Variants in LHFPL3 observed in about 807,000 individuals in gnomAD.
LHFPL3 encodes the protein LHFPL tetraspan subfamily member 3 protein.
A neutral mutation model predicts 19.3 loss-of-function variants in LHFPL3; 5 were observed. The observed-to-expected ratio is 0.26, with a 90% CI of 0.14 to 0.54. The LOEUF (loss-of-function observed/expected upper bound fraction) is 0.54. Among genes scored for constraint, LHFPL3 ranks in the 20% least tolerant of loss-of-function variants. LHFPL3 has a pLI of 0.94. For missense variants in LHFPL3, 249 were observed against 307.4 expected (o/e 0.81, Z 1.42); for synonymous variants, 133 against 126.2 (o/e 1.05, Z -0.36).
intron 2 of LHFPL3, among the ~76,000 whole-genome samples, chr7:104,824,373 T>C (rs1562804599): frequency 1.4e-4 from 2 of 13,918 alleles, no homozygotes; most frequent in African/African-American, 6.0e-4. Flanking sequence ...ATATATATTT[T>C]ATATATAATA....
In LHFPL3 at chr7:104,399,884, T is replaced by C. The variant is rs73403852; in HGVS notation, c.445+70660T>C. Among the ~76,000 whole-genome samples the C allele has an allele frequency of 0.032, 4,852 of 150,504 alleles. 272 individuals are homozygous for C. The highest frequency in any genetic ancestry group is 0.11 in the African/African-American group (4,595 of 41,138). ...AGATCAGGGAGCCGAGGCAGGTGGA[T>C]CACGTGAGGTCGAGTTTGAGACCAG... On this transcript the variant is annotated intron_variant, in intron 1 of 2. Coordinates refer to ENST00000424859, the MANE Select transcript of LHFPL3 (RefSeq NM_199000.3). This position sits in a 1 kb window ranked among gnomAD's most constrained non-coding sequence, Gnocchi z 4.4.
At chr7:104,523,281 G>C (rs923097601) in intron 1 of LHFPL3, among the ~76,000 whole-genome samples, 1 of 151,938 alleles carries the variant, frequency 6.6e-6, no homozygotes, top group Non-Finnish European at 1.5e-5. Context: ...ACTCTTTAAT[G>C]ATCTCATGTG....
chr7:104,407,390 C>T (rs890709139), intron 1 of LHFPL3, among the ~76,000 whole-genome samples: 3 of 152,166 alleles, frequency 2.0e-5, no homozygotes, highest in African/African-American at 4.8e-5. Flanking sequence ...GGCGTGGTGG[C>T]TCATGCCTAT....
chr7:104,802,008 C>A (rs1480332920), intron 2 of LHFPL3, among the ~76,000 whole-genome samples: 1 of 152,100 alleles, frequency 6.6e-6, no homozygotes, highest in African/African-American at 2.4e-5. Flanking sequence ...GTTTTTGACA[C>A]TATTGCACAA....
intron 1 of LHFPL3, among the ~76,000 whole-genome samples, chr7:104,479,330 A>G (rs78570744): frequency 0.021 from 3,163 of 152,004 alleles, 85 homozygotes; most frequent in East Asian, 0.056. Flanking sequence ...TAATCCTGCA[A>G]GTTCTATTCC....
rs1557691 is a variant in LHFPL3 at position 104,413,770 on chromosome 7, A to G, written c.445+84546A>G. Among the ~76,000 whole-genome samples the G allele has an allele frequency of 4.7e-4, 71 of 152,272 alleles. No individual in the cohort carries two copies. The East Asian group carries it at 0.013, about 29-fold the overall frequency. The stretch of plus-strand genomic sequence containing the variant: ...GTGAGTGTTTACTCATAGAAATACA[A>G]TCTCACATTGTTCTTAGTATTTTAA... On this transcript the variant is annotated intron_variant, in intron 1 of 2. Transcript: ENST00000424859.
intron 2 of LHFPL3, among the ~76,000 whole-genome samples, chr7:104,779,914 G>A (rs573209070): frequency 2.7e-5 from 4 of 148,554 alleles, no homozygotes; most frequent in African/African-American, 9.9e-5. Flanking sequence ...AATTAGTGGG[G>A]TTTTTTTTTT....
intron 1 of LHFPL3, among the ~76,000 whole-genome samples, chr7:104,574,766 A>G (rs1790291422): frequency 6.6e-6 from 1 of 152,162 alleles, no homozygotes; most frequent in African/African-American, 2.4e-5. Context: ...TGCTTATTTG[A>G]GATTTTTCCC....
chr7:104,595,313 TGTTGGAGTTTGCTGGA>T (rs2115664015), intron 1 of LHFPL3, among the ~76,000 whole-genome samples: 1 of 152,346 alleles, frequency 6.6e-6, no homozygotes, highest in South Asian at 2.1e-4. Context: ...GCTATAGGTC[TGTTGGAGTTTGCTGGA>T]GTTCCACTCC....
chr7:104,332,484 G>A (rs560709616), intron 1 of LHFPL3, among the ~76,000 whole-genome samples: 169 of 152,016 alleles, frequency 1.1e-3, no homozygotes, highest in African/African-American at 4.0e-3. Flanking sequence ...GACTGCCATG[G>A]CCTCCCAAAG....
At chr7:104,427,654 C>T (rs1473097471) in intron 1 of LHFPL3, among the ~76,000 whole-genome samples, 1 of 152,162 alleles carries the variant, frequency 6.6e-6, no homozygotes, top group Non-Finnish European at 1.5e-5. Context: ...TGATTGGGTC[C>T]CCATTAGGAC....
intron 2 of LHFPL3, among the ~76,000 whole-genome samples, chr7:104,808,904 T>G (rs1181717035): frequency 6.8e-6 from 1 of 148,022 alleles, no homozygotes; most frequent in Non-Finnish European, 1.5e-5. Flanking sequence ...TTTTTTTTTT[T>G]TTTTTTTTTT....
In LHFPL3 at chr7:104,908,245, A is replaced by G. The variant is rs547377930; in HGVS notation, c.*2030A>G. ...CCTATCCACATGTGAATGTTTTAAA[A>G]AAGTTTTTGCCATAAAACCTAAGTG... On this transcript the variant is annotated 3_prime_UTR_variant, in exon 3 of 3. Coordinates refer to ENST00000424859, the MANE Select transcript of LHFPL3 (RefSeq NM_199000.3). Among the ~76,000 whole-genome samples the G allele has an allele frequency of 6.6e-6, 1 of 152,364 alleles. No individual in the cohort carries two copies. Among genetic ancestry groups the G allele is most frequent in the Non-Finnish European group, 1.5e-5 (1 of 68,028 alleles).
At chr7:104,669,574 T>C in intron 1 of LHFPL3, 3 of 1,611,642 alleles carry the variant, frequency 1.9e-6, no homozygotes, top group Middle Eastern at 2.3e-4. Context: ...TTATGCCAAA[T>C]AGACCTCTAC....
At chr7:104,592,930 G>A (rs1309621773) in intron 1 of LHFPL3, among the ~76,000 whole-genome samples, 1 of 152,176 alleles carries the variant, frequency 6.6e-6, no homozygotes, top group Non-Finnish European at 1.5e-5. Flanking sequence ...CTCCCGGTGT[G>A]CCATTTGCTA....
intron 1 of LHFPL3, among the ~76,000 whole-genome samples, chr7:104,335,081 A>C (rs1024404): frequency 6.6e-6 from 1 of 151,942 alleles, no homozygotes; most frequent in Non-Finnish European, 1.5e-5. Context: ...TTCTGAATGT[A>C]CTGAGCTCTG....
At chr7:104,734,958 T>C (rs1349438141) in intron 1 of LHFPL3, among the ~76,000 whole-genome samples, 1 of 152,206 alleles carries the variant, frequency 6.6e-6, no homozygotes, top group Admixed American at 6.5e-5. Context: ...CAGCTGCAGG[T>C]CTGTTGGAGT....
At chr7:104,710,063 G>A (rs1793271884) in intron 1 of LHFPL3, among the ~76,000 whole-genome samples, 1 of 152,234 alleles carries the variant, frequency 6.6e-6, no homozygotes, top group African/African-American at 2.4e-5. Flanking sequence ...GACTCCGTCT[G>A]CAATCCCGGC....
intron 1 of LHFPL3, among the ~76,000 whole-genome samples, chr7:104,637,693 A>T (rs949654848): frequency 6.6e-6 from 1 of 151,972 alleles, no homozygotes. Flanking sequence ...ATGGTTGTAG[A>T]TGTCCAGCCT....
Sources: gnomAD v4.1 joint callset for allele counts (sites outside exome capture counted in the v4.1 genomes callset) on GRCh38, gnomAD v4.1.1 for gene constraint, Gnocchi (gnomAD v3.1) non-coding constraint, MANE v1.5 for transcripts, NCBI Gene and HGNC (gene_info 2026-07-23, HGNC 2026-07-21) for gene names.